Variants in ABHD5 observed in about 807,000 individuals in gnomAD.
ABHD5 encodes the protein 1-acylglycerol-3-phosphate O-acyltransferase ABHD5.
Under a neutral mutation model 44.9 loss-of-function variants are expected in ABHD5, and 30 were observed. The observed-to-expected ratio is 0.67, with a 90% confidence interval of 0.50 to 0.91. The LOEUF is 0.91. Among genes scored for constraint, ABHD5 ranks in the 40% least tolerant of loss-of-function variants. The pLI is 0.00. For missense variants in ABHD5, 399 were observed against 423.4 expected, an observed-to-expected ratio of 0.94 and a Z score of 0.50; for synonymous variants, 167 against 147.0, an observed-to-expected ratio of 1.14 and a Z score of -0.99.
rs2084829878 is a variant in ABHD5, at chr3:43,721,047, C to T, written c.*2515C>T. 1 of 151,512 alleles carries T rather than the reference C, an allele frequency of 6.6e-6. No individual in the cohort carries two copies. Among genetic ancestry groups the T allele is most frequent in the Non-Finnish European group, 1.5e-5 (1 of 67,932 alleles). 9.4% of individuals were successfully genotyped at this position (151,512 alleles called of 1,614,324 possible). ...CGCGATTTCAATAAAACAAGAAGTA[C>T]TGGAAAGAATAAACAAAAATAGCCA... On this transcript the variant is annotated 3_prime_UTR_variant, in exon 7 of 7. Coordinates refer to ENST00000644371, the MANE Select transcript of ABHD5 (RefSeq NM_016006.6).
intron 7 of ABHD5, among the ~76,000 whole-genome samples, chr3:43,731,210 T>C (rs988045597): frequency 2.6e-5 from 4 of 152,120 alleles, no homozygotes; most frequent in Non-Finnish European, 5.9e-5. Context: ...CACACAGATA[T>C]CACCTAGTAT....
At chr3:43,705,256 C>G (rs576025278) in intron 3 of ABHD5, among the ~76,000 whole-genome samples, 2 of 152,252 alleles carry the variant, frequency 1.3e-5, no homozygotes, top group Non-Finnish European at 2.9e-5. Flanking sequence ...TCATATCTTT[C>G]TAATTTATTT....
At chr3:43,733,543 A>C (rs2149614466) in intron 7 of ABHD5, among the ~76,000 whole-genome samples, 1 of 152,394 alleles carries the variant, frequency 6.6e-6, no homozygotes, top group South Asian at 2.1e-4. Flanking sequence ...AAGATAAAAC[A>C]AGAGCTTAAA....
rs142265880 is a variant in ABHD5 at position 43,702,875 on chromosome 3, TTTATTA to T, written c.506+296_506+301del. Among the ~76,000 whole-genome samples the T allele has an allele frequency of 0.086, 13,024 of 152,184 alleles. 766 individuals are homozygous for T. The highest frequency in any genetic ancestry group is 0.21 in the South Asian group (1,028 of 4,818). On this transcript the variant is annotated intron_variant, in intron 3 of 6. Transcript: ENST00000644371. ...AATTTTAAGCCACAAGTAAAAATTA[TTTATTA>T]TTATTATCATTAAACCTATGAATCC...
chr3:43,723,254 A>G (rs2084855725), downstream of ABHD5, among the ~76,000 whole-genome samples: 1 of 152,236 alleles, frequency 6.6e-6, no homozygotes, highest in African/African-American at 2.4e-5. Context: ...AATATTTTGA[A>G]AATTGTTCAT....
intron 7 of ABHD5, among the ~76,000 whole-genome samples, chr3:43,730,824 T>G (rs913291287): frequency 2.7e-5 from 4 of 146,672 alleles, no homozygotes; most frequent in African/African-American, 7.6e-5. Flanking sequence ...TTGTTTGTTT[T>G]TTTGTTTGTT....
chr3:43,691,366 C>A, intron 1 of ABHD5: 1 of 209,950 alleles, frequency 4.8e-6, no homozygotes. Context: ...CTGGCCGCGG[C>A]GGCCGCACCG....
At position 43,719,998 on chromosome 3, in the gene ABHD5, T is replaced by C. The variant is rs886058493; in HGVS notation, c.*1466T>C. 29 of 152,208 alleles carry C rather than the reference T, an allele frequency of 1.9e-4. No homozygotes were observed. The highest frequency in any genetic ancestry group is 3.7e-4 in the Non-Finnish European group (25 of 68,038). The allele number at this position is 152,208 out of a possible 1,614,324, so 9.4% of individuals were successfully genotyped here. On this transcript the variant is annotated 3_prime_UTR_variant, in exon 7 of 7. Coordinates refer to ENST00000644371, the MANE Select transcript of ABHD5 (RefSeq NM_016006.6). ...TGCCAGAAAGACTGAATGTTCTATT[T>C]TCAACATTTCTCCCCTATAAAAGAA...
chr3:43,711,980 C>G, intron 4 of ABHD5, 117 bp downstream of exon 4: 1 of 1,322,554 alleles, frequency 7.6e-7, no homozygotes, highest in Non-Finnish European at 1.1e-6. Context: ...CTTACTTTTT[C>G]TCCTCTTCCT....
At chr3:43,726,011 G>A (rs527526118), downstream of ABHD5, among the ~76,000 whole-genome samples, 17 of 151,990 alleles carry the variant, frequency 1.1e-4, no homozygotes, top group Admixed American at 2.6e-4. Context: ...GACTATAGGC[G>A]CCCACCACCA....
intron 1 of ABHD5, among the ~76,000 whole-genome samples, chr3:43,698,779 CAT>C (rs771680950): frequency 9.9e-5 from 15 of 152,220 alleles, no homozygotes; most frequent in Non-Finnish European, 2.1e-4. Flanking sequence ...TGTTACTACT[CAT>C]ATGAGATTTG....
chr3:43,732,370 C>T (rs1697250845), intron 7 of ABHD5, among the ~76,000 whole-genome samples: 1 of 151,980 alleles, frequency 6.6e-6, no homozygotes, highest in South Asian at 2.1e-4. Flanking sequence ...TTGGAGGTTG[C>T]AGTGAAACGA....
Position 43,714,999 on chromosome 3 carries a change from A to T in ABHD5, c.714A>T (p.Ser238=). ...LRPDFKRKYS[S]MFEDDTVTEY... ...CTGATTTCAAACGAAAGTATTCTTC[A>T]ATGTTCGAAGACGATACTGTGACAG... The change falls in exon 5 of 7, where the codon TCA becomes TCT. Residue 238 remains serine (S), a synonymous_variant. Transcript: ENST00000644371. 1 of 1,613,310 alleles carries T rather than the reference A, an allele frequency of 6.2e-7. No homozygotes were observed. The highest frequency in any genetic ancestry group is 8.5e-7 in the Non-Finnish European group (1 of 1,179,676).
chr3:43,726,375 G>A (rs1297128963), downstream of ABHD5, among the ~76,000 whole-genome samples: 4 of 152,248 alleles, frequency 2.6e-5, no homozygotes, highest in East Asian at 7.7e-4. Context: ...TGTTTTCCAT[G>A]GGGTAGGAGG....
At chr3:43,703,468 T>C (rs1439641227) in intron 3 of ABHD5, among the ~76,000 whole-genome samples, 3 of 152,148 alleles carry the variant, frequency 2.0e-5, no homozygotes, top group Non-Finnish European at 2.9e-5. Context: ...CCTGAGCCAC[T>C]GCACCCAGCC....
intron 1 of ABHD5, among the ~76,000 whole-genome samples, chr3:43,694,676 T>C (rs1044201622): frequency 6.6e-6 from 1 of 152,002 alleles, no homozygotes; most frequent in Admixed American, 6.6e-5. Flanking sequence ...TCTAAAACAC[T>C]TATACTACCA....
chr3:43,714,867 C>T, intron 4 of ABHD5, 80 bp from the exon 5 acceptor site: 1 of 953,178 alleles, frequency 1.0e-6, no homozygotes, highest in Non-Finnish European at 1.7e-6. Flanking sequence ...CACAGACAAG[C>T]ACTAAAACTT....
At chr3:43,702,726 T>C (rs2084560281) in intron 3 of ABHD5, 139 bp downstream of exon 3, 1 of 1,139,590 alleles carries the variant, frequency 8.8e-7, no homozygotes, top group Non-Finnish European at 1.3e-6. Context: ...ACACCACAAC[T>C]GATGACCAAT....
At chr3:43,691,317 C>T in intron 1 of ABHD5, 1 of 319,860 alleles carries the variant, frequency 3.1e-6, no homozygotes. Flanking sequence ...AGGGTCCGCC[C>T]CGTTGTTGTA....
Sources: allele counts gnomAD v4.1 joint callset (sites outside exome capture counted in the v4.1 genomes callset), GRCh38; gene constraint gnomAD v4.1.1; transcripts MANE v1.5; gene names NCBI Gene and HGNC (gene_info 2026-07-23, HGNC 2026-07-21).